Variants in PRSS48 observed in about 807,000 individuals in gnomAD.
PRSS48 encodes the protein serine protease 48.
PRSS48 carries 21 observed loss-of-function variants against 25.6 expected under a neutral mutation model. The observed-to-expected ratio is 0.82, with a 90% confidence interval of 0.58 to 1.18. The LOEUF (loss-of-function observed/expected upper bound fraction) is 1.18. PRSS48 is among the 50% of genes most tolerant of loss of function. The pLI is 0.00. For missense variants in PRSS48, 373 were observed against 399.3 expected, an observed-to-expected ratio of 0.93 and a Z score of 0.56; for synonymous variants, 150 against 149.3, an observed-to-expected ratio of 1.00 and a Z score of -0.04.
intron 1 of PRSS48, chr4:151,279,095 G>T: frequency 2.4e-6 from 1 of 424,194 alleles, no homozygotes; most frequent in East Asian, 7.4e-5. Context: ...CACAGATAAA[G>T]CTGTGGCCCA....
At chr4:151,286,919 A>G (rs2150014295) in intron 4 of PRSS48, among the ~76,000 whole-genome samples, 1 of 151,346 alleles carries the variant, frequency 6.6e-6, no homozygotes, top group East Asian at 1.9e-4. Flanking sequence ...GGTAGAGGTT[A>G]CAGTGAGCCG....
chr4:151,279,522 A>G (rs535451411), intron 1 of PRSS48, among the ~76,000 whole-genome samples: 1 of 152,320 alleles, frequency 6.6e-6, no homozygotes, highest in Non-Finnish European at 1.5e-5. Flanking sequence ...GTGAATCTAG[A>G]TATTAGATGT....
intron 4 of PRSS48, among the ~76,000 whole-genome samples, chr4:151,285,320 C>A (rs1186262860): frequency 6.6e-6 from 1 of 152,114 alleles, no homozygotes; most frequent in Admixed American, 6.5e-5. Context: ...CTTAAGTGCC[C>A]ATGGAACATT....
intron 4 of PRSS48, among the ~76,000 whole-genome samples, chr4:151,289,235 A>G (rs1444847343): frequency 6.6e-6 from 1 of 152,218 alleles, no homozygotes; most frequent in Non-Finnish European, 1.5e-5. Flanking sequence ...AATTAACTCA[A>G]AATGGATCTA....
chr4:151,278,484 G>A (rs901889914), intron 1 of PRSS48, among the ~76,000 whole-genome samples: 3 of 151,830 alleles, frequency 2.0e-5, no homozygotes, highest in Non-Finnish European at 4.4e-5. Context: ...TATTTAGGAA[G>A]TGATTTGTGA....
At chr4:151,279,798 T>C in exon 2 of PRSS48, 4 of 1,613,796 alleles carry the variant, frequency 2.5e-6, no homozygotes, top group Non-Finnish European at 3.4e-6. Context: ...TTCTCTAGTG[T>C]GTGGGCAACC....
At chr4:151,278,523 C>A (rs1196402016) in intron 1 of PRSS48, among the ~76,000 whole-genome samples, 1 of 152,126 alleles carries the variant, frequency 6.6e-6, no homozygotes, top group African/African-American at 2.4e-5. Flanking sequence ...AATATAGCAC[C>A]TGTCTCCAAC....
At chr4:151,282,954 G>C (rs1774393905) in intron 3 of PRSS48, among the ~76,000 whole-genome samples, 163 bp from the exon 4 acceptor site, 1 of 152,142 alleles carries the variant, frequency 6.6e-6, no homozygotes, top group South Asian at 2.1e-4. Context: ...CTGAGTTTTA[G>C]ATTTAAGTGT....
chr4:151,286,387 A>G (rs1317631540), intron 4 of PRSS48, among the ~76,000 whole-genome samples: 4 of 151,262 alleles, frequency 2.6e-5, no homozygotes, highest in African/African-American at 9.7e-5. Flanking sequence ...TGAAATTACT[A>G]AAGTTAAAAA....
intron 4 of PRSS48, among the ~76,000 whole-genome samples, chr4:151,284,663 C>A (rs1289041019): frequency 6.6e-6 from 1 of 152,110 alleles, no homozygotes; most frequent in African/African-American, 2.4e-5. Context: ...ACTTTAATAT[C>A]TAATCATTTT....
In PRSS48 at chr4:151,280,570, T is replaced by C. The variant is rs563495174; in HGVS notation, c.215+612T>C. On this transcript the variant is annotated intron_variant, in intron 2 of 4. Coordinates refer to ENST00000455694, the Ensembl canonical transcript of PRSS48. ...AGCTTTATAACTTATTATGCAACAATTGATAACTAATACACAACAGAAATT... is the reference window on the plus strand; with the variant it reads ...AGCTTTATAACTTATTATGCAACAACTGATAACTAATACACAACAGAAATT... Among the ~76,000 whole-genome samples, 24 of 152,320 alleles carry C rather than the reference T, an allele frequency of 1.6e-4. No individual in the cohort carries two copies. The South Asian group carries it at 4.8e-3, about 30-fold the overall frequency.
chr4:151,278,979 C>A, intron 1 of PRSS48: 5 of 246,040 alleles, frequency 2.0e-5, no homozygotes, highest in Non-Finnish European at 3.3e-5. Context: ...TGTAGTCATG[C>A]AAATATTCAC....
Position 151,277,318 on chromosome 4 carries a change from G to C in PRSS48, c.52+94G>C, listed in dbSNP as rs192779766. 401 of 1,018,426 alleles carry C rather than the reference G, an allele frequency of 3.9e-4. 2 individuals carry two copies. The African/African-American group carries it at 6.0e-3, about 15-fold the overall frequency. 63.1% of individuals were successfully genotyped at this position (1,018,426 alleles called of 1,614,324 possible). On this transcript the variant is annotated intron_variant, in intron 1 of 4. Coordinates refer to ENST00000455694, the Ensembl canonical transcript of PRSS48. ...CAATGTGACACTTCACCCATGGGAT[G>C]TTAGTTATGAGTAGCACAGCCTGAG...
chr4:151,279,756 C>T, intron 1 of PRSS48, 40 bp from the exon 2 acceptor site: 1 of 1,593,942 alleles, frequency 6.3e-7, no homozygotes, highest in Non-Finnish European at 8.6e-7. Flanking sequence ...AGAAACAGGA[C>T]TCCTAGGTTT....
chr4:151,291,244 A>T lies in PRSS48; in HGVS notation c.778A>T (p.Lys260Ter). ...CTACACCAATGTAATCTACTACCAA[A>T]AATGGATTAATGCCACTATTTCAAG... Residue 260 changes from lysine to a stop codon, truncating the protein, a stop_gained, in exon 5 of 5, where the codon AAA becomes TAA. Coordinates refer to ENST00000455694, the Ensembl canonical transcript of PRSS48. LOFTEE classifies it low-confidence loss of function (END_TRUNC). 1 of 1,613,934 alleles carries T rather than the reference A, an allele frequency of 6.2e-7. No individual in the cohort carries two copies. The highest frequency in any genetic ancestry group is 1.7e-4 in the Middle Eastern group (1 of 6,060).
At chr4:151,284,784 C>T (rs1041020761) in intron 4 of PRSS48, among the ~76,000 whole-genome samples, 1 of 152,168 alleles carries the variant, frequency 6.6e-6, no homozygotes, top group African/African-American at 2.4e-5. Flanking sequence ...TGGCTGACCT[C>T]AAAATCCAAA....
Position 151,282,250 on chromosome 4 carries a change from CA to C in PRSS48, c.320del (p.Lys107SerfsTer12). ...ACGTGTCCAAAATCGTCATCCATCCCAAGTACCAAGATACAACGGCAGACGT... is the reference window on the plus strand; with the variant it reads ...ACGTGTCCAAAATCGTCATCCATCCCAGTACCAAGATACAACGGCAGACGT... On this transcript the variant is annotated frameshift_variant, in exon 3 of 5. Transcript: ENST00000455694. LOFTEE classifies it high-confidence loss of function. The C allele has an allele frequency of 6.2e-7, 1 of 1,613,934 alleles. No individual in the cohort carries two copies. Among genetic ancestry groups the C allele is most frequent in the Non-Finnish European group, 8.5e-7 (1 of 1,179,880 alleles).
chr4:151,277,356 G>C, intron 1 of PRSS48, 132 bp downstream of exon 1: 2 of 574,390 alleles, frequency 3.5e-6, no homozygotes, highest in Non-Finnish European at 5.3e-6. Context: ...GGTCCTGAGA[G>C]GCTACTATAT....
intron 1 of PRSS48, among the ~76,000 whole-genome samples, chr4:151,278,044 A>C (rs1365269768): frequency 2.0e-5 from 3 of 152,116 alleles, no homozygotes; most frequent in Non-Finnish European, 4.4e-5. Flanking sequence ...CCGTCCCCCC[A>C]AAAAACAGAA....
Sources: gnomAD v4.1 joint callset for allele counts (sites outside exome capture counted in the v4.1 genomes callset) on GRCh38, gnomAD v4.1.1 for gene constraint, MANE v1.5 for transcripts, NCBI Gene and HGNC (gene_info 2026-07-23, HGNC 2026-07-21) for gene names.